Variants in DOCK10 observed in about 807,000 individuals in gnomAD.
DOCK10 encodes the protein dedicator of cytokinesis protein 10.
In DOCK10, 145 loss-of-function variants were observed where a neutral mutation model predicts 280.1. The ratio of observed to expected loss-of-function variants is 0.52; its 90% CI spans 0.45 to 0.59. DOCK10 has a LOEUF of 0.59. Ranked by LOEUF, DOCK10 falls within the 20% of genes least tolerant of loss-of-function variation. The pLI is 0.00. For synonymous variants in DOCK10, 915 were observed against 942.2 expected, an observed-to-expected ratio of 0.97 and a Z score of 0.53; for missense variants, 2,368 against 2,651.7, an observed-to-expected ratio of 0.89 and a Z score of 2.35.
chr2:224,829,517 AG>A (rs1460511936), intron 27 of DOCK10, among the ~76,000 whole-genome samples: 11 of 152,182 alleles, frequency 7.2e-5, no homozygotes, highest in Non-Finnish European at 1.6e-4. Context: ...CACGTGGGGC[AG>A]GGGCAATGCC....
In DOCK10 at chr2:224,789,467, G is replaced by A. The variant is rs16866178; in HGVS notation, c.5312-297C>T. Among the ~76,000 whole-genome samples, 1,499 of 152,172 alleles carry A rather than the reference G, an allele frequency of 9.9e-3. 28 individuals are homozygous for A. Among genetic ancestry groups the A allele is most frequent in the African/African-American group, 0.034 (1,400 of 41,514 alleles). On this transcript the variant is annotated intron_variant, in intron 47 of 55. Coordinates refer to ENST00000258390, the MANE Select transcript of DOCK10 (RefSeq NM_014689.3). ...GGTTCCAATCTTCTGGTTTAATCTCGGAGACTGTGTCCCTCTCTTGTTAAA... is the reference window on the plus strand; with the variant it reads ...GGTTCCAATCTTCTGGTTTAATCTCAGAGACTGTGTCCCTCTCTTGTTAAA...
chr2:225,015,595 A>G (rs771582203), intron 1 of DOCK10, among the ~76,000 whole-genome samples: 5 of 152,176 alleles, frequency 3.3e-5, no homozygotes, highest in African/African-American at 4.8e-5. Flanking sequence ...CCAGGCCAGC[A>G]GGCAGCTCGG....
chr2:224,829,215 A>G (rs1427454996), intron 27 of DOCK10, among the ~76,000 whole-genome samples: 1 of 152,190 alleles, frequency 6.6e-6, no homozygotes, highest in African/African-American at 2.4e-5. Flanking sequence ...TAGAGTGGGG[A>G]CTTACAGGGA....
intron 52 of DOCK10, among the ~76,000 whole-genome samples, chr2:224,774,015 A>G (rs1055687923): frequency 2.6e-4 from 39 of 152,336 alleles, no homozygotes; most frequent in Admixed American, 2.3e-3. Context: ...CCCACAATAC[A>G]GAATGCCTAA....
rs149853754 is a variant in DOCK10, at chr2:224,768,837, G to A, written c.6444+1374C>T. 2,147 of 453,002 alleles carry A rather than the reference G, an allele frequency of 4.7e-3. 15 individuals carry two copies. The highest frequency in any genetic ancestry group is 0.021 in the African/African-American group (1,057 of 49,896). The allele number at this position is 453,002 out of a possible 1,614,324, so 28.1% of individuals were successfully genotyped here. On this transcript the variant is annotated intron_variant, in intron 55 of 55. Transcript: ENST00000258390. ...GAGAGGGGTACACCAGAAGGCCACA[G>A]AGGACAGAGTAGACATAAAGAAAGA...
chr2:225,036,430 T>C (rs1317935260), intron 1 of DOCK10, among the ~76,000 whole-genome samples: 1 of 152,210 alleles, frequency 6.6e-6, no homozygotes, highest in Non-Finnish European at 1.5e-5. Context: ...CCCTCATCAA[T>C]TGACTTTATC....
At chr2:224,866,021 C>T (rs902225334) in intron 11 of DOCK10, among the ~76,000 whole-genome samples, 3 of 152,176 alleles carry the variant, frequency 2.0e-5, no homozygotes, top group East Asian at 1.9e-4. Context: ...AATGAGGACA[C>T]TTACCTGCCT....
intron 1 of DOCK10, chr2:224,982,101 G>T (rs1461213032): frequency 8.4e-6 from 7 of 830,658 alleles, no homozygotes; most frequent in Non-Finnish European, 9.6e-6. Flanking sequence ...GTAAACTCTA[G>T]GTCACACATG....
At chr2:224,898,407 G>GA (rs1262999251) in intron 3 of DOCK10, among the ~76,000 whole-genome samples, 2 of 152,170 alleles carry the variant, frequency 1.3e-5, no homozygotes, top group Non-Finnish European at 2.9e-5. Context: ...ACTTAAAAAC[G>GA]AAACAGTGGC....
chr2:224,856,520 T>C (rs770523950), intron 15 of DOCK10, among the ~76,000 whole-genome samples: 20 of 152,206 alleles, frequency 1.3e-4, no homozygotes, highest in Non-Finnish European at 2.5e-4. Context: ...GCCCATGCCA[T>C]GTGTGGAAGA....
intron 47 of DOCK10, among the ~76,000 whole-genome samples, chr2:224,790,187 G>T (rs1201407849): frequency 2.6e-5 from 4 of 152,230 alleles, no homozygotes; most frequent in Admixed American, 6.5e-5. Flanking sequence ...AGATACATGT[G>T]AAAACAGTTG....
In DOCK10 at chr2:224,836,745, G is replaced by A. The variant is rs187572357; in HGVS notation, c.2850+1017C>T. 2.1e-3 allele frequency among the ~76,000 whole-genome samples: 323 copies of A among 152,012 alleles called. 1 individual carries two copies. Among genetic ancestry groups the A allele is most frequent in the Middle Eastern group, 0.014 (4 of 294 alleles). ...CTCCCAAGTAGCTGGGACTACAGGC[G>A]CCCACCACCACGCCTGGCTAATTTT... is the stretch of plus-strand genomic sequence containing the variant. On this transcript the variant is annotated intron_variant, in intron 25 of 55. Coordinates refer to ENST00000258390, the MANE Select transcript of DOCK10 (RefSeq NM_014689.3).
chr2:224,956,067 G>A (rs1021477722), intron 1 of DOCK10, among the ~76,000 whole-genome samples: 1 of 152,208 alleles, frequency 6.6e-6, no homozygotes, highest in African/African-American at 2.4e-5. Flanking sequence ...GACAAATGAA[G>A]AATATGGGTT....
intron 3 of DOCK10, among the ~76,000 whole-genome samples, chr2:224,900,582 A>G (rs892071913): frequency 3.3e-5 from 5 of 152,226 alleles, no homozygotes; most frequent in African/African-American, 1.2e-4. Context: ...GTTTTGTGTA[A>G]TATTTCTGTT....
At chr2:225,036,572 A>G (rs1205343118) in intron 1 of DOCK10, among the ~76,000 whole-genome samples, 1 of 152,140 alleles carries the variant, frequency 6.6e-6, no homozygotes, top group Non-Finnish European at 1.5e-5. Context: ...TGGATTCTGT[A>G]TTTCTAGCTA....
chr2:224,919,329 G>GA (rs2125960299), intron 2 of DOCK10, among the ~76,000 whole-genome samples: 1 of 123,014 alleles, frequency 8.1e-6, no homozygotes, highest in East Asian at 2.5e-4. Context: ...TGAGTGTGTG[G>GA]TGTATGTGTG....
intron 3 of DOCK10, among the ~76,000 whole-genome samples, chr2:224,911,565 T>C (rs749955005): frequency 5.8e-4 from 88 of 151,982 alleles, no homozygotes; most frequent in Non-Finnish European, 9.4e-4. Flanking sequence ...GAATTTAGAG[T>C]TCAGGCTAAC....
Position 224,901,558 on chromosome 2 carries a change from T to C in DOCK10, c.334-5181A>G, listed in dbSNP as rs75399474. On this transcript the variant is annotated intron_variant, in intron 3 of 55. Transcript: ENST00000258390. Reference sequence around the variant, plus strand: ...AAAAAGCAGGCCAAAGTCAACATGGTCAAAGGCTTTTGTGCCATGAGGATA... The same window carrying C: ...AAAAAGCAGGCCAAAGTCAACATGGCCAAAGGCTTTTGTGCCATGAGGATA... 4.6e-5 allele frequency among the ~76,000 whole-genome samples: 7 copies of C among 152,340 alleles called. No individual in the cohort carries two copies. In the East Asian group the frequency reaches 1.2e-3, roughly 25 times the overall value.
chr2:224,921,425 A>G (rs1701747007), intron 2 of DOCK10, among the ~76,000 whole-genome samples: 2 of 151,806 alleles, frequency 1.3e-5, no homozygotes, highest in African/African-American at 4.8e-5. Flanking sequence ...AACAGTAATC[A>G]CATGGCTACT....
Sources: gnomAD v4.1 joint callset for allele counts (sites outside exome capture counted in the v4.1 genomes callset) on GRCh38, gnomAD v4.1.1 for gene constraint, MANE v1.5 for transcripts, NCBI Gene and HGNC (gene_info 2026-07-23, HGNC 2026-07-21) for gene names.